The following RAPGEF2 variants were observed in gnomAD, a reference collection of about 807,000 sequenced individuals.
The protein encoded by RAPGEF2 is PDZ domain containing guanine nucleotide exchange factor (GEF) 1.
In RAPGEF2, 54 loss-of-function variants were observed where a neutral mutation model predicts 186.7. The ratio of observed to expected loss-of-function variants is 0.29; its 90% CI spans 0.23 to 0.36. RAPGEF2 has a LOEUF of 0.36. Ranked by LOEUF, RAPGEF2 falls within the 10% of genes least tolerant of loss-of-function variation. The pLI, the probability that RAPGEF2 is intolerant of heterozygous loss-of-function variation, is 1.00. For missense variants in RAPGEF2, 1,532 were observed against 2,045.0 expected, an observed-to-expected ratio of 0.75 and a Z score of 4.84; for synonymous variants, 712 against 705.9, an observed-to-expected ratio of 1.01 and a Z score of -0.14.
chr4:159,183,007 C>T lies in RAPGEF2; in HGVS notation c.70-3635C>T, dbSNP rs544235495. On this transcript the variant is annotated intron_variant, in intron 1 of 29. Transcript: ENST00000691494. The stretch of plus-strand genomic sequence containing the variant: ...TGGCAATACTACTCGGATTGGTCTG[C>T]AGATTCAATGCAACCCTACTAAAAT... Among the ~76,000 whole-genome samples the T allele has an allele frequency of 5.3e-4, 80 of 152,258 alleles. No homozygotes were observed. In the South Asian group the frequency reaches 6.0e-3, roughly 11 times the overall value.
intron 7 of RAPGEF2, among the ~76,000 whole-genome samples, chr4:159,277,265 A>G (rs1398006954): frequency 2.0e-5 from 3 of 152,112 alleles, no homozygotes; most frequent in Non-Finnish European, 4.4e-5. Flanking sequence ...ATCATTTTTT[A>G]TGGCTACATA....
chr4:159,198,265 T>C (rs1374144839), intron 3 of RAPGEF2, among the ~76,000 whole-genome samples: 1 of 73,444 alleles, frequency 1.4e-5, no homozygotes, highest in Admixed American at 1.3e-4. Context: ...TCTTTCTCTT[T>C]CTTTCCTTCT....
chr4:159,185,138 G>C (rs1159067801), intron 1 of RAPGEF2, among the ~76,000 whole-genome samples: 1 of 152,144 alleles, frequency 6.6e-6, no homozygotes, highest in Non-Finnish European at 1.5e-5. Flanking sequence ...CACTTAGTAA[G>C]ATGATTAAAA....
intron 5 of RAPGEF2, among the ~76,000 whole-genome samples, chr4:159,240,807 G>GTTTTTT (rs373635263): frequency 7.5e-6 from 1 of 132,970 alleles, no homozygotes; most frequent in African/African-American, 2.8e-5. Flanking sequence ...TTCCATCAGG[G>GTTTTTT]TTTTTTTTTT....
chr4:159,299,884 A>G (rs1762444595), intron 7 of RAPGEF2, among the ~76,000 whole-genome samples: 1 of 149,184 alleles, frequency 6.7e-6, no homozygotes. Context: ...CTACATAATA[A>G]AAAAAAAAGC....
intron 27 of RAPGEF2, 70 bp downstream of exon 27, chr4:159,352,980 T>G: frequency 7.5e-7 from 1 of 1,341,218 alleles, no homozygotes; most frequent in Non-Finnish European, 1.0e-6. Flanking sequence ...AGTCTTTTCT[T>G]CCAGTGTTTG....
chr4:159,159,643 C>T (rs529731522), intron 1 of RAPGEF2, among the ~76,000 whole-genome samples: 108 of 152,224 alleles, frequency 7.1e-4, no homozygotes, highest in Admixed American at 1.6e-3. Flanking sequence ...ATCGTCTGAC[C>T]ACTGAAAAAT....
intron 9 of RAPGEF2, among the ~76,000 whole-genome samples, chr4:159,317,641 A>G (rs1407167778): frequency 1.3e-5 from 2 of 152,198 alleles, no homozygotes; most frequent in South Asian, 2.1e-4. Flanking sequence ...CTTGGGTCCA[A>G]TACCACATGT....
In RAPGEF2 at chr4:159,134,762, A is replaced by C. The variant is rs1363392429; in HGVS notation, c.69+30531A>C. On this transcript the variant is annotated intron_variant, in intron 1 of 29. Transcript: ENST00000691494. ...TACAATTCACCCATTTAAAGTATATAATCAGTGGTTTTTAGTAAATTCCTA... is the reference window on the plus strand; with the variant it reads ...TACAATTCACCCATTTAAAGTATATCATCAGTGGTTTTTAGTAAATTCCTA... 2.0e-5 allele frequency among the ~76,000 whole-genome samples: 3 copies of C among 152,226 alleles called. No homozygotes were observed. The East Asian group carries it at 5.8e-4, about 29-fold the overall frequency.
intron 4 of RAPGEF2, among the ~76,000 whole-genome samples, chr4:159,211,592 G>C (rs1750537697): frequency 6.6e-6 from 1 of 152,168 alleles, no homozygotes; most frequent in African/African-American, 2.4e-5. Context: ...TTTTATAAAA[G>C]GTCAGAGTCT....
rs563667700 is a variant in RAPGEF2, at chr4:159,357,087, T to C, written c.4957+929T>C. Among the ~76,000 whole-genome samples, 127 of 151,586 alleles carry C rather than the reference T, an allele frequency of 8.4e-4. 1 individual carries two copies. Among genetic ancestry groups the C allele is most frequent in the Non-Finnish European group, 7.4e-4 (50 of 67,804 alleles). On this transcript the variant is annotated intron_variant, in intron 29 of 29. Transcript: ENST00000691494. ...AAGAAAGATACATTATCAGCCAGCC[T>C]GATGGCTCATGCCTGTAATCCCAGC...
At chr4:159,137,161 C>T (rs1165857012) in intron 1 of RAPGEF2, among the ~76,000 whole-genome samples, 1 of 152,146 alleles carries the variant, frequency 6.6e-6, no homozygotes, top group Non-Finnish European at 1.5e-5. Context: ...TGTATTAGTC[C>T]ATTTGGGCTG....
At chr4:159,131,097 TGA>T (rs10596468) in intron 1 of RAPGEF2, among the ~76,000 whole-genome samples, 23,997 of 147,892 alleles carry the variant, frequency 0.16, 1,848 homozygotes, top group East Asian at 0.19. Context: ...TGTGTGTGTG[TGA>T]GAGAGAGAGA....
At chr4:159,219,163 C>T (rs1225764427) in intron 4 of RAPGEF2, among the ~76,000 whole-genome samples, 1 of 152,054 alleles carries the variant, frequency 6.6e-6, no homozygotes, top group African/African-American at 2.4e-5. Flanking sequence ...TTACCCTGCA[C>T]CTAATCCAGC....
At chr4:159,224,640 A>C (rs757961151) in intron 4 of RAPGEF2, among the ~76,000 whole-genome samples, 7 of 152,218 alleles carry the variant, frequency 4.6e-5, no homozygotes, top group Non-Finnish European at 1.0e-4. Flanking sequence ...GCATACCAGC[A>C]GGTGGTTAAT....
At chr4:159,335,619 G>A (rs140057570) in intron 17 of RAPGEF2, among the ~76,000 whole-genome samples, 6,728 of 151,964 alleles carry the variant, frequency 0.044, 512 homozygotes, top group African/African-American at 0.15. Flanking sequence ...AGGCCGAGGC[G>A]GTCGGATCAC....
intron 1 of RAPGEF2, among the ~76,000 whole-genome samples, chr4:159,151,283 A>G (rs2347946): frequency 0.63 from 95,718 of 152,078 alleles, 30,993 homozygotes; most frequent in African/African-American, 0.79. Flanking sequence ...GCTGCAGTCA[A>G]TGATAAACGC....
chr4:159,174,897 C>CA, intron 1 of RAPGEF2, among the ~76,000 whole-genome samples: 1 of 152,214 alleles, frequency 6.6e-6, no homozygotes, highest in African/African-American at 2.4e-5. Context: ...ACTGGGACCA[C>CA]AGGTGCTCGT....
intron 2 of RAPGEF2, 117 bp downstream of exon 2, chr4:159,186,829 G>C (rs979806208): frequency 1.8e-6 from 1 of 556,362 alleles, no homozygotes; most frequent in East Asian, 3.2e-5. Context: ...GTACATATTC[G>C]TGGGGTACAT....
Sources: allele counts gnomAD v4.1 joint callset (sites outside exome capture counted in the v4.1 genomes callset), GRCh38; gene constraint gnomAD v4.1.1; transcripts MANE v1.5; gene names NCBI Gene and HGNC (gene_info 2026-07-23, HGNC 2026-07-21).